The following ROCK2 variants were observed in gnomAD, a reference collection of about 807,000 sequenced individuals.
ROCK2 encodes the protein Rho associated coiled-coil containing protein kinase 2, also known as rho-associated protein kinase 2.
Under a neutral mutation model 195.1 loss-of-function variants are expected in ROCK2, and 61 were observed. The observed-to-expected ratio is 0.31, with a 90% confidence interval of 0.25 to 0.39. The LOEUF (loss-of-function observed/expected upper bound fraction) is 0.39. Ranked by LOEUF, ROCK2 falls within the 10% of genes least tolerant of loss-of-function variation. The probability of loss-of-function intolerance (pLI) is 1.00; values close to 1 mark genes in which losing one functional copy is unlikely to be tolerated. For synonymous variants in ROCK2, 504 were observed against 545.5 expected (o/e 0.92, Z 1.06); for missense variants, 1,109 against 1,637.4 (o/e 0.68, Z 5.57).
intron 1 of ROCK2, among the ~76,000 whole-genome samples, chr2:11,297,895 T>C (rs146654607): frequency 1.3e-5 from 2 of 152,246 alleles, no homozygotes; most frequent in Non-Finnish European, 1.5e-5. Context: ...ATTAGGTAAT[T>C]AAAAGCAAAT....
chr2:11,218,464 T>C lies in ROCK2; in HGVS notation c.1323A>G (p.Glu441=). Residue 441 remains glutamate, a splice_region_variant and synonymous_variant, in exon 11 of 33, where the codon GAA becomes GAG. Coordinates refer to ENST00000315872, the MANE Select transcript of ROCK2 (RefSeq NM_004850.5). ...GACAACATCAACATACCTCTTGACT[T>C]TCCTATTTAAAACAAAACAGAAAAC... The part of the protein sequence containing the change: ...TDSIQSRKNE[E]SQEIQKKLYT... The C allele has an allele frequency of 6.4e-7, 1 of 1,553,974 alleles. No homozygotes were observed. The highest frequency in any genetic ancestry group is 8.7e-7 in the Non-Finnish European group (1 of 1,145,764).
chr2:11,291,038 G>A (rs1455145452), intron 1 of ROCK2, among the ~76,000 whole-genome samples: 5 of 152,014 alleles, frequency 3.3e-5, no homozygotes, highest in Admixed American at 3.3e-4. Context: ...AGAAAGGCAG[G>A]GAGAAAAATG....
intron 1 of ROCK2, among the ~76,000 whole-genome samples, chr2:11,288,677 AG>A (rs1017985354): frequency 2.9e-3 from 156 of 52,946 alleles, no homozygotes; most frequent in Admixed American, 5.4e-3. Context: ...GAGGGTAAAC[AG>A]GGAAGCTAGA....
intron 3 of ROCK2, among the ~76,000 whole-genome samples, chr2:11,273,601 CA>C (rs1366157720): frequency 2.6e-5 from 4 of 152,028 alleles, no homozygotes; most frequent in African/African-American, 9.7e-5. Flanking sequence ...TATGGAAATA[CA>C]GTAAAGAAAC....
intron 1 of ROCK2, among the ~76,000 whole-genome samples, chr2:11,325,372 C>G (rs1668516739): frequency 6.6e-6 from 1 of 152,218 alleles, no homozygotes; most frequent in African/African-American, 2.4e-5. Flanking sequence ...TTGTCTTGTC[C>G]TTCCAGAATC....
At chr2:11,265,349 T>C (rs1666377478) in intron 3 of ROCK2, among the ~76,000 whole-genome samples, 1 of 152,208 alleles carries the variant, frequency 6.6e-6, no homozygotes, top group Non-Finnish European at 1.5e-5. Flanking sequence ...TACAGGTGAA[T>C]TTTAAAAATA....
Position 11,344,249 on chromosome 2 carries a change from G to A in ROCK2, c.-113C>T. The A allele has an allele frequency of 7.7e-7, 1 of 1,304,784 alleles. No homozygotes were observed. The highest frequency in any genetic ancestry group is 9.7e-7 in the Non-Finnish European group (1 of 1,030,408). 80.8% of individuals were successfully genotyped at this position (1,304,784 alleles called of 1,614,324 possible). A position where few individuals can be genotyped will look rare whatever the true frequency, so the allele number is the denominator to read the frequency against. On this transcript the variant is annotated 5_prime_UTR_variant, in exon 1 of 33. Coordinates refer to ENST00000315872, the MANE Select transcript of ROCK2 (RefSeq NM_004850.5). The surrounding 1 kb of genome is among the most constrained non-coding windows in gnomAD (Gnocchi z 5.4). ...GGCCGGGACTCCACCCGGGCCCACC[G>A]CCTGCCTCTAGCTCCGGCTTCGGGT...
chr2:11,219,684 G>A (rs1164420745), intron 9 of ROCK2, among the ~76,000 whole-genome samples: 4 of 151,900 alleles, frequency 2.6e-5, no homozygotes, highest in Non-Finnish European at 5.9e-5. Flanking sequence ...ACCCAGGCTG[G>A]AGTATAGCGG....
intron 3 of ROCK2, among the ~76,000 whole-genome samples, chr2:11,280,361 T>C (rs530816300): frequency 2.6e-5 from 4 of 151,864 alleles, no homozygotes; most frequent in Non-Finnish European, 5.9e-5. Flanking sequence ...CAGTGACTCA[T>C]GCCTGAAATC....
upstream of ROCK2, among the ~76,000 whole-genome samples, chr2:11,344,903 C>A (rs1297515468): frequency 6.7e-6 from 1 of 149,732 alleles, no homozygotes; most frequent in Non-Finnish European, 1.5e-5. This position sits in a 1 kb window ranked among gnomAD's most constrained non-coding sequence, Gnocchi z 5.4. Flanking sequence ...GGGAGACGCA[C>A]CCAGGCCGGG....
chr2:11,195,066 C>T (rs766437060), intron 27 of ROCK2, 41 bp from the exon 28 acceptor site: 1 of 1,079,362 alleles, frequency 9.3e-7, no homozygotes, highest in South Asian at 1.6e-5. Flanking sequence ...GATAACAATT[C>T]TCCTTAGATA....
At chr2:11,333,915 C>A (rs1423000516) in intron 1 of ROCK2, among the ~76,000 whole-genome samples, 1 of 152,030 alleles carries the variant, frequency 6.6e-6, no homozygotes, top group East Asian at 1.9e-4. Context: ...GCTGTTCAGC[C>A]CCCATGAGGT....
chr2:11,193,324 A>C (rs1246473117), intron 30 of ROCK2, among the ~76,000 whole-genome samples: 1 of 152,194 alleles, frequency 6.6e-6, no homozygotes, highest in Non-Finnish European at 1.5e-5. Context: ...TGTTGGTTTG[A>C]CTAATTTTAA....
rs1353598958 is a variant in ROCK2 at position 11,180,072 on chromosome 2, A to AG, written c.*3364dup. 6.6e-6 allele frequency: 1 copy of AG among 152,138 alleles called. No homozygotes were observed. Among genetic ancestry groups the AG allele is most frequent in the Admixed American group, 6.5e-5 (1 of 15,278 alleles). 9.4% of individuals were successfully genotyped at this position (152,138 alleles called of 1,614,324 possible). The stretch of plus-strand genomic sequence containing the variant: ...CTTACAAATGGTGTCTTCACAGCAT[A>AG]GGGAAGCTGAAGCCTTATTCCAGGG... On this transcript the variant is annotated 3_prime_UTR_variant, in exon 33 of 33. Coordinates refer to ENST00000315872, the MANE Select transcript of ROCK2 (RefSeq NM_004850.5).
Position 11,298,238 on chromosome 2 carries a change from G to A in ROCK2, c.142-10502C>T, listed in dbSNP as rs144017106. ...TAATCCCAACACTTTGGGAGGCCGT[G>A]GCAGGCAAATTACCTGAGGTCAGGA... is the stretch of plus-strand genomic sequence containing the variant. On this transcript the variant is annotated intron_variant, in intron 1 of 32. Coordinates refer to ENST00000315872, the MANE Select transcript of ROCK2 (RefSeq NM_004850.5). Among the ~76,000 whole-genome samples, 15 of 152,170 alleles carry A rather than the reference G, an allele frequency of 9.9e-5. No homozygotes were observed. In the East Asian group the frequency reaches 2.5e-3, roughly 25 times the overall value.
At chr2:11,236,432 C>G (rs1319030417) in intron 4 of ROCK2, among the ~76,000 whole-genome samples, 1 of 151,846 alleles carries the variant, frequency 6.6e-6, no homozygotes, top group Non-Finnish European at 1.5e-5. Context: ...GGGAATAAGC[C>G]CCATATCAAT....
chr2:11,212,652 A>G (rs1328373103), intron 17 of ROCK2, among the ~76,000 whole-genome samples: 2 of 152,090 alleles, frequency 1.3e-5, no homozygotes, highest in African/African-American at 4.8e-5. Flanking sequence ...TTTATAGTTC[A>G]TATCATAAAT....
intron 1 of ROCK2, chr2:11,307,898 G>T: frequency 8.4e-7 from 1 of 1,196,994 alleles, no homozygotes; most frequent in Non-Finnish European, 1.1e-6. Context: ...CTCCTCGGTG[G>T]GTGGCGGTGG....
At chr2:11,271,461 G>A (rs1666626376) in intron 3 of ROCK2, among the ~76,000 whole-genome samples, 1 of 152,294 alleles carries the variant, frequency 6.6e-6, no homozygotes, top group South Asian at 2.1e-4. Flanking sequence ...TATGAATCCT[G>A]GATCTTATAG....
Sources: gnomAD v4.1 joint callset for allele counts (sites outside exome capture counted in the v4.1 genomes callset) on GRCh38, gnomAD v4.1.1 for gene constraint, Gnocchi (gnomAD v3.1) non-coding constraint, MANE v1.5 for transcripts, NCBI Gene and HGNC (gene_info 2026-07-23, HGNC 2026-07-21) for gene names.